EVI5: variants seen among roughly 807,000 people sequenced by gnomAD.
EVI5 encodes ecotropic viral integration site 5 protein homolog.
In EVI5, 73 loss-of-function variants were observed where a neutral mutation model predicts 112.0. That is an observed-to-expected ratio of 0.65 (90% CI 0.54 to 0.79). EVI5 has a LOEUF of 0.79. Ranked by LOEUF, EVI5 falls within the 30% of genes least tolerant of loss-of-function variation. EVI5 has a pLI of 0.00. For missense variants in EVI5, 900 were observed against 968.8 expected, an observed-to-expected ratio of 0.93 and a Z score of 0.94; for synonymous variants, 305 against 319.9, an observed-to-expected ratio of 0.95 and a Z score of 0.50.
intron 14 of EVI5, among the ~76,000 whole-genome samples, chr1:92,631,287 C>T (rs1360070745): frequency 6.6e-6 from 1 of 152,130 alleles, no homozygotes; most frequent in South Asian, 2.1e-4. Context: ...GCCATTTTCA[C>T]AATATTGATT....
intron 3 of EVI5, 143 bp downstream of exon 3, chr1:92,704,411 AC>A: frequency 2.2e-6 from 1 of 454,714 alleles, no homozygotes. Context: ...TTTTAGGGGT[AC>A]AAGTAAGTGA....
At chr1:92,614,630 G>T (rs756633945) in intron 16 of EVI5, among the ~76,000 whole-genome samples, 2 of 151,858 alleles carry the variant, frequency 1.3e-5, no homozygotes, top group Admixed American at 1.3e-4. Context: ...TCTTTGTCCC[G>T]TGCTGGATGC....
chr1:92,737,849 T>G (rs1159226745), intron 1 of EVI5, among the ~76,000 whole-genome samples: 5 of 152,220 alleles, frequency 3.3e-5, no homozygotes, highest in African/African-American at 1.2e-4. Context: ...AGGACAAAGA[T>G]TCCATTACAA....
At chr1:92,568,335 C>T (rs1301135617) in intron 18 of EVI5, among the ~76,000 whole-genome samples, 2 of 143,580 alleles carry the variant, frequency 1.4e-5, no homozygotes, top group Non-Finnish European at 3.0e-5. Flanking sequence ...GTGTTCATGT[C>T]GCTACACTCC....
chr1:92,574,951 C>T (rs1237837020), intron 18 of EVI5, among the ~76,000 whole-genome samples: 1 of 152,144 alleles, frequency 6.6e-6, no homozygotes, highest in Non-Finnish European at 1.5e-5. Context: ...ATACACTACA[C>T]AATTGGACAG....
intron 1 of EVI5, among the ~76,000 whole-genome samples, chr1:92,743,361 A>G (rs1016395965): frequency 3.3e-5 from 5 of 152,170 alleles, no homozygotes; most frequent in Non-Finnish European, 7.4e-5. Flanking sequence ...CAAAAAAAAA[A>G]GGGAAGGAAA....
At chr1:92,637,922 A>C (rs558846550) in intron 13 of EVI5, among the ~76,000 whole-genome samples, 1 of 152,370 alleles carries the variant, frequency 6.6e-6, no homozygotes, top group South Asian at 2.1e-4. Flanking sequence ...CAATATTTCA[A>C]TACGAGAAGT....
At position 92,536,921 on chromosome 1, in the gene EVI5, T is replaced by C. The variant is rs142459032; in HGVS notation, c.2167-22951A>G. Among the ~76,000 whole-genome samples the C allele has an allele frequency of 2.7e-3, 418 of 152,236 alleles. 6 individuals are homozygous for C. The highest frequency in any genetic ancestry group is 9.8e-3 in the African/African-American group (405 of 41,538). On this transcript the variant is annotated intron_variant, in intron 19 of 19. Coordinates refer to ENST00000684568, the MANE Select transcript of EVI5 (RefSeq NM_001350197.2). The stretch of plus-strand genomic sequence containing the variant: ...TCCTTCAATTTTAACATTGGGGTAA[T>C]GGAATTAATAATACAATCTTATAAT...
intron 6 of EVI5, among the ~76,000 whole-genome samples, chr1:92,696,834 C>T (rs1375801281): frequency 6.6e-6 from 1 of 152,078 alleles, no homozygotes; most frequent in African/African-American, 2.4e-5. Context: ...GTCAGGAGAT[C>T]GAGACCATCC....
intron 18 of EVI5, among the ~76,000 whole-genome samples, chr1:92,590,826 T>C (rs111818542): frequency 0.03 from 4,537 of 152,014 alleles, 205 homozygotes; most frequent in African/African-American, 0.092. Flanking sequence ...TTCATCAAAG[T>C]TGAAATGAAG....
intron 1 of EVI5, among the ~76,000 whole-genome samples, chr1:92,760,935 G>A (rs1253984822): frequency 1.3e-5 from 2 of 150,804 alleles, no homozygotes; most frequent in Admixed American, 6.6e-5. Flanking sequence ...GTGGGCGCCT[G>A]TAGTCCCAGC....
chr1:92,566,315 T>C (rs1470342478), intron 18 of EVI5, among the ~76,000 whole-genome samples: 1 of 152,166 alleles, frequency 6.6e-6, no homozygotes, highest in African/African-American at 2.4e-5. Flanking sequence ...ATAATGATGT[T>C]TTGGTCAATG....
intron 19 of EVI5, among the ~76,000 whole-genome samples, chr1:92,555,147 C>A (rs1486280898): frequency 6.6e-6 from 1 of 152,100 alleles, no homozygotes; most frequent in Admixed American, 6.6e-5. Context: ...GGGATAAAAA[C>A]CCTATTTACT....
intron 2 of EVI5, among the ~76,000 whole-genome samples, chr1:92,731,028 A>G (rs964083177): frequency 2.2e-4 from 33 of 152,168 alleles, no homozygotes; most frequent in African/African-American, 7.5e-4. Context: ...TCAATATAAG[A>G]AAAACAATTG....
At chr1:92,769,331 C>T (rs1683062431) in intron 1 of EVI5, among the ~76,000 whole-genome samples, 1 of 152,144 alleles carries the variant, frequency 6.6e-6, no homozygotes, top group African/African-American at 2.4e-5. Flanking sequence ...ATACATATGA[C>T]ATTTAGGTAT....
At chr1:92,664,437 T>C (rs1346464058) in intron 11 of EVI5, among the ~76,000 whole-genome samples, 1 of 145,332 alleles carries the variant, frequency 6.9e-6, no homozygotes, top group Non-Finnish European at 1.5e-5. Context: ...GAAGGTTCAA[T>C]GAAATATTAT....
chr1:92,740,856 C>T (rs1406877088), intron 1 of EVI5, among the ~76,000 whole-genome samples: 2 of 152,120 alleles, frequency 1.3e-5, no homozygotes, highest in Admixed American at 1.3e-4. Flanking sequence ...AATTGTATGG[C>T]AGTCTTAGAC....
chr1:92,624,531 C>T (rs12023526), intron 15 of EVI5, among the ~76,000 whole-genome samples, 197 bp from the exon 16 acceptor site: 1 of 151,560 alleles, frequency 6.6e-6, no homozygotes. Flanking sequence ...CTTTGCAGAT[C>T]TTAAGTATAT....
chr1:92,626,148 T>C (rs996566930), intron 14 of EVI5, among the ~76,000 whole-genome samples: 10 of 152,180 alleles, frequency 6.6e-5, no homozygotes, highest in Non-Finnish European at 1.5e-4. Flanking sequence ...CACCATGACC[T>C]AATTTCAGAA....
Sources: gnomAD v4.1 joint callset for allele counts (sites outside exome capture counted in the v4.1 genomes callset) on GRCh38, gnomAD v4.1.1 for gene constraint, MANE v1.5 for transcripts, NCBI Gene and HGNC (gene_info 2026-07-23, HGNC 2026-07-21) for gene names.